The following CAMK2A variants were observed in gnomAD, a reference collection of about 807,000 sequenced individuals.
CAMK2A encodes calcium/calmodulin-dependent protein kinase type II subunit alpha.
In CAMK2A, 7 loss-of-function variants were observed where a neutral mutation model predicts 79.2. That is an observed-to-expected ratio of 0.09 (90% CI 0.05 to 0.17). The LOEUF is 0.17. Among genes scored for constraint, CAMK2A ranks in the 10% least tolerant of loss-of-function variants. The pLI is 1.00. For synonymous variants in CAMK2A, 242 were observed against 251.7 expected, an observed-to-expected ratio of 0.96 and a Z score of 0.36; for missense variants, 214 against 646.4, an observed-to-expected ratio of 0.33 and a Z score of 7.25.
Position 150,289,759 on chromosome 5 carries a change from G to T in CAMK2A, c.-134C>A. 1.5e-6 allele frequency: 1 copy of T among 655,846 alleles called. No individual in the cohort carries two copies. The highest frequency in any genetic ancestry group is 2.6e-6 in the Non-Finnish European group (1 of 377,374). 40.6% of individuals were successfully genotyped at this position (655,846 alleles called of 1,614,324 possible). A position where few individuals can be genotyped will look rare whatever the true frequency, so the allele number is the denominator to read the frequency against. ...CAAACAGAGAACCGGTTTGACTGAC[G>T]AGCCCGGGGCTTCTGAGCAGGGCAC... On this transcript the variant is annotated 5_prime_UTR_variant, in exon 1 of 19. Coordinates refer to ENST00000671881, the MANE Select transcript of CAMK2A (RefSeq NM_015981.4).
chr5:150,289,534 C>A (rs1230524743), intron 1 of CAMK2A, 30 bp downstream of exon 1: 1 of 1,592,772 alleles, frequency 6.3e-7, no homozygotes, highest in African/African-American at 1.3e-5. Context: ...GCCCCCCATG[C>A]CTTCCAGGAC....
rs1425310941 is a variant in CAMK2A at position 150,251,784 on chromosome 5, C to G, written c.659G>C (p.Arg220Pro). Residue 220 changes from arginine (R) to proline (P), a missense_variant, in exon 9 of 19, where the codon CGC becomes CCC. Around this residue, in one of 4 missense-constraint regions of CAMK2A, gnomAD observed 72 missense variants for 333.9 expected, o/e 0.22. Transcript: ENST00000671881. ...YPPFWDEDQH[R>P]LYQQIKAGAY... ...GCCGGCTTTGATCTGCTGGTACAGG[C>G]GGTGCTGGTCCTCATCCCAGAACGG... 6.2e-7 allele frequency: 1 copy of G among 1,609,468 alleles called. No individual in the cohort carries two copies. The highest frequency in any genetic ancestry group is 1.3e-5 in the African/African-American group (1 of 74,752).
At position 150,222,609 on chromosome 5, in the gene CAMK2A, G is replaced by T; in HGVS notation, c.*101C>A. On this transcript the variant is annotated 3_prime_UTR_variant, in exon 19 of 19. Coordinates refer to ENST00000671881, the MANE Select transcript of CAMK2A (RefSeq NM_015981.4). ...GTGACGGTGGTGGGGTGATGACATG[G>T]GAGAATTCCAGCAAAATCCACCTGG... is the stretch of plus-strand genomic sequence containing the variant. The T allele has an allele frequency of 7.6e-7, 1 of 1,312,976 alleles. No homozygotes were observed. Among genetic ancestry groups the T allele is most frequent in the Non-Finnish European group, 1.1e-6 (1 of 909,628 alleles). 81.3% of individuals were successfully genotyped at this position (1,312,976 alleles called of 1,614,324 possible). A position where few individuals can be genotyped will look rare whatever the true frequency, so the allele number is the denominator to read the frequency against.
chr5:150,276,383 G>A (rs182012488), intron 1 of CAMK2A, among the ~76,000 whole-genome samples: 1 of 152,302 alleles, frequency 6.6e-6, no homozygotes, highest in Admixed American at 6.5e-5. Flanking sequence ...GCCTCCATGA[G>A]TGTTACTTGC....
rs1356443858 is a variant in CAMK2A, at chr5:150,284,401, G to A, written c.62+5163C>T. Among the ~76,000 whole-genome samples, 1 of 152,102 alleles carries A rather than the reference G, an allele frequency of 6.6e-6. No homozygotes were observed. The highest frequency in any genetic ancestry group is 1.5e-5 in the Non-Finnish European group (1 of 68,024). On this transcript the variant is annotated intron_variant, in intron 1 of 18. Coordinates refer to ENST00000671881, the MANE Select transcript of CAMK2A (RefSeq NM_015981.4). This position sits in a 1 kb window ranked among gnomAD's most constrained non-coding sequence, Gnocchi z 5.3. ...CAACAGGATGCGAGTGTTGCACTCC[G>A]AGGCTCTGCCCTCACCCCACAGAGA...
At chr5:150,227,008 G>A (rs1047174675) in intron 17 of CAMK2A, among the ~76,000 whole-genome samples, 2 of 151,810 alleles carry the variant, frequency 1.3e-5, no homozygotes, top group African/African-American at 2.4e-5. Flanking sequence ...CTGACCTCAA[G>A]TGATCTGCCC....
intron 2 of CAMK2A, among the ~76,000 whole-genome samples, chr5:150,268,505 C>T (rs1756608373): frequency 1.3e-5 from 2 of 152,328 alleles, no homozygotes; most frequent in East Asian, 3.9e-4. Flanking sequence ...CGTCCCCATA[C>T]CCTGTCTTAT....
chr5:150,251,619 C>T, intron 9 of CAMK2A, 131 bp downstream of exon 9: 1 of 605,736 alleles, frequency 1.7e-6, no homozygotes, highest in Non-Finnish European at 2.8e-6. Context: ...ATGGTAACCA[C>T]CTGGCCCTGG....
intron 2 of CAMK2A, among the ~76,000 whole-genome samples, chr5:150,271,055 T>A (rs1347794103): frequency 6.6e-6 from 1 of 152,228 alleles, no homozygotes; most frequent in African/African-American, 2.4e-5. Context: ...CGTCACCCCC[T>A]GTCCCTGTTG....
intron 1 of CAMK2A, among the ~76,000 whole-genome samples, chr5:150,274,476 C>A (rs1166415175): frequency 6.6e-6 from 1 of 152,182 alleles, no homozygotes; most frequent in Non-Finnish European, 1.5e-5. Context: ...AGTCTAGATG[C>A]CATTTTGCAC....
At chr5:150,237,744 C>G (rs1212399267) in intron 15 of CAMK2A, among the ~76,000 whole-genome samples, 2 of 152,240 alleles carry the variant, frequency 1.3e-5, no homozygotes, top group Admixed American at 1.3e-4. Flanking sequence ...TATAGTGACA[C>G]TCCAGGAAGT....
At chr5:150,254,156 C>T (rs981874043) in intron 6 of CAMK2A, among the ~76,000 whole-genome samples, 41 of 152,178 alleles carry the variant, frequency 2.7e-4, no homozygotes, top group South Asian at 2.1e-4. Flanking sequence ...TCCAAGTTTA[C>T]TCTATCTAGA....
chr5:150,221,520 G>A lies in CAMK2A; in HGVS notation c.*1190C>T, dbSNP rs1754308688. On this transcript the variant is annotated 3_prime_UTR_variant, in exon 19 of 19. Transcript: ENST00000671881. ...CGGTAGAGAAGACCCCAGTTTGCGA[G>A]GGAAGCAAAGAAAAGTCCAGGTATT... 3 of 398,708 alleles carry A rather than the reference G, an allele frequency of 7.5e-6. No homozygotes were observed. The highest frequency in any genetic ancestry group is 6.3e-4 in the Middle Eastern group (1 of 1,588). 24.7% of individuals were successfully genotyped at this position (398,708 alleles called of 1,614,324 possible).
At chr5:150,241,708 C>T (rs1281172881) in intron 13 of CAMK2A, among the ~76,000 whole-genome samples, 1 of 149,200 alleles carries the variant, frequency 6.7e-6, no homozygotes, top group Non-Finnish European at 1.5e-5. Flanking sequence ...TCCTTCCTCT[C>T]TTCCTTCTTT....
At chr5:150,247,164 C>T (rs1259634311) in intron 12 of CAMK2A, among the ~76,000 whole-genome samples, 3 of 152,260 alleles carry the variant, frequency 2.0e-5, no homozygotes, top group Non-Finnish European at 2.9e-5. Flanking sequence ...TGGGACGCTC[C>T]TGCCCTGGAC....
chr5:150,288,272 C>T (rs1006732800), intron 1 of CAMK2A, among the ~76,000 whole-genome samples: 1 of 152,140 alleles, frequency 6.6e-6, no homozygotes, highest in Non-Finnish European at 1.5e-5. Context: ...TATGTGCACA[C>T]AGCTCTAACC....
intron 1 of CAMK2A, among the ~76,000 whole-genome samples, chr5:150,282,401 C>T (rs1245794211): frequency 1.3e-5 from 2 of 152,212 alleles, no homozygotes; most frequent in African/African-American, 4.8e-5. Flanking sequence ...TCTATTTTCT[C>T]TTTACAGTGC....
chr5:150,244,218 G>A (rs1196853946), intron 13 of CAMK2A, among the ~76,000 whole-genome samples: 1 of 152,206 alleles, frequency 6.6e-6, no homozygotes, highest in Admixed American at 6.5e-5. Context: ...AGTACAGAGG[G>A]GAGACCCAAT....
At chr5:150,268,708 A>C (rs1756613782) in intron 2 of CAMK2A, among the ~76,000 whole-genome samples, 1 of 152,248 alleles carries the variant, frequency 6.6e-6, no homozygotes, top group East Asian at 1.9e-4. Flanking sequence ...AACAAGTGGC[A>C]GGGCTGAGAT....
Sources: allele counts gnomAD v4.1 joint callset (sites outside exome capture counted in the v4.1 genomes callset), GRCh38; gene constraint gnomAD v4.1.1; regional missense constraint gnomAD v4.1.1; non-coding constraint Gnocchi (gnomAD v3.1); transcripts MANE v1.5; gene names NCBI Gene and HGNC (gene_info 2026-07-23, HGNC 2026-07-21).